The following AKAP8 variants were observed in gnomAD, a reference collection of about 807,000 sequenced individuals.
AKAP8 encodes the protein A-kinase anchoring protein 8, also known as A-kinase anchor protein 8.
In AKAP8, 24 loss-of-function variants were observed where a neutral mutation model predicts 67.5. The ratio of observed to expected loss-of-function variants is 0.36; its 90% CI spans 0.26 to 0.50. AKAP8 has a LOEUF of 0.50. AKAP8 is among the 20% of genes least tolerant of loss of function. The probability of loss-of-function intolerance (pLI) is 0.97; values close to 1 mark genes in which losing one functional copy is unlikely to be tolerated. For synonymous variants in AKAP8, 400 were observed against 371.1 expected (o/e 1.08, Z -0.90); for missense variants, 971 against 955.9 (o/e 1.02, Z -0.21).
chr19:15,375,234 G>C (rs1053064233), intron 2 of AKAP8, among the ~76,000 whole-genome samples: 1 of 152,166 alleles, frequency 6.6e-6, no homozygotes, highest in South Asian at 2.1e-4. Context: ...CGCCAGCAGA[G>C]AGCATGCACT....
chr19:15,356,599 A>G (rs1393093511), intron 13 of AKAP8, among the ~76,000 whole-genome samples: 1 of 152,114 alleles, frequency 6.6e-6, no homozygotes, highest in African/African-American at 2.4e-5. Context: ...CAAGATTCAA[A>G]TCCAAGTCTG....
rs1208025335 is a variant in AKAP8 at position 15,369,527 on chromosome 19, G to A, written c.1072+619C>T. Among the ~76,000 whole-genome samples the A allele has an allele frequency of 6.6e-6, 1 of 152,222 alleles. No individual in the cohort carries two copies. The highest frequency in any genetic ancestry group is 1.5e-5 in the Non-Finnish European group (1 of 68,038). Reference sequence around the variant, plus strand: ...GCACCTCAGGCCGCTCTGCCATGAGGGATTTAAGCCTGCTCTGCTGTTGCT... The same window carrying A: ...GCACCTCAGGCCGCTCTGCCATGAGAGATTTAAGCCTGCTCTGCTGTTGCT... On this transcript the variant is annotated intron_variant, in intron 8 of 13. Coordinates refer to ENST00000269701, the MANE Select transcript of AKAP8 (RefSeq NM_005858.4). The surrounding 1 kb of genome is among the most constrained non-coding windows in gnomAD (Gnocchi z 4.6).
Position 15,361,644 on chromosome 19 carries a change from G to A in AKAP8, c.1396+85C>T, listed in dbSNP as rs540840662. On this transcript the variant is annotated intron_variant, in intron 11 of 13. Transcript: ENST00000269701. Reference sequence around the variant, plus strand: ...TGGGATTACAGGTGTGAGCCACCGTGCCCGGCCTCGTGCCACGTTTTACGG... The same window carrying A: ...TGGGATTACAGGTGTGAGCCACCGTACCCGGCCTCGTGCCACGTTTTACGG... The A allele has an allele frequency of 1.8e-3, 2,227 of 1,248,492 alleles. 8 individuals carry two copies. The highest frequency in any genetic ancestry group is 2.2e-3 in the Non-Finnish European group (1,874 of 851,400). The allele number at this position is 1,248,492 out of a possible 1,614,324, so 77.3% of individuals were successfully genotyped here. A position where few individuals can be genotyped will look rare whatever the true frequency, so the allele number is the denominator to read the frequency against.
intron 1 of AKAP8, among the ~76,000 whole-genome samples, chr19:15,377,522 G>T (rs1224910028): frequency 6.6e-6 from 1 of 152,174 alleles, no homozygotes; most frequent in African/African-American, 2.4e-5. Context: ...AGGTTAGAGC[G>T]CAGTGCCGCG....
intron 9 of AKAP8, among the ~76,000 whole-genome samples, chr19:15,364,296 G>T (rs1022081748): frequency 2.0e-5 from 3 of 150,734 alleles, no homozygotes; most frequent in Non-Finnish European, 4.4e-5. Context: ...CGAGTAGCTG[G>T]GATTACAGGG....
rs757496296 is a variant in AKAP8, at chr19:15,373,946, C to CGGCCGCCA, written c.203_210dup (p.Gly71TrpfsTer35). 6.2e-7 allele frequency: 1 copy of CGGCCGCCA among 1,613,696 alleles called. No homozygotes were observed. Among genetic ancestry groups the CGGCCGCCA allele is most frequent in the South Asian group, 1.1e-5 (1 of 91,062 alleles). On this transcript the variant is annotated frameshift_variant, in exon 4 of 14. Transcript: ENST00000269701. LOFTEE classifies it high-confidence loss of function. ...GAGGCCATGTGCATGGCAGGGGCCC[C>CGGCCGCCA]GGCCGCCAGGCCGCCATCATTGGCC... is the stretch of plus-strand genomic sequence containing the variant.
intron 5 of AKAP8, 47 bp from the exon 6 acceptor site, chr19:15,372,394 A>C (rs1332204881): frequency 1.2e-6 from 2 of 1,601,226 alleles, no homozygotes; most frequent in South Asian, 2.2e-5. Flanking sequence ...AGGGCCATGA[A>C]GATGCCCCAC....
intron 9 of AKAP8, among the ~76,000 whole-genome samples, chr19:15,363,685 T>C (rs1599561026): frequency 6.6e-6 from 1 of 152,064 alleles, no homozygotes; most frequent in African/African-American, 2.4e-5. Flanking sequence ...GAACGGGCCA[T>C]GATGACAATG....
intron 9 of AKAP8, among the ~76,000 whole-genome samples, chr19:15,366,140 A>AG (rs1397113551): frequency 1.0e-5 from 1 of 99,300 alleles, no homozygotes; most frequent in Non-Finnish European, 1.9e-5. Flanking sequence ...TACAAGATGA[A>AG]AAAAAAGCAA....
At chr19:15,372,040 G>A (rs551487902) in intron 6 of AKAP8, 42 bp from the exon 7 acceptor site, 13 of 1,613,052 alleles carry the variant, frequency 8.1e-6, no homozygotes, top group African/African-American at 6.7e-5. Flanking sequence ...CCCGGAGAAC[G>A]GTCCCATCCG....
intron 13 of AKAP8, among the ~76,000 whole-genome samples, chr19:15,357,391 T>G (rs945167474): frequency 2.6e-5 from 3 of 115,132 alleles, no homozygotes; most frequent in Non-Finnish European, 4.8e-5. Context: ...ATCGCACCAC[T>G]GCACTCCAGC....
chr19:15,362,384 C>CCCACGGTCTCCCTCTCCCCCTCTTT (rs61341430), intron 9 of AKAP8, 133 bp from the exon 10 acceptor site: 5 of 488,782 alleles, frequency 1.0e-5, no homozygotes. Context: ...TCTCCCTCTC[C>CCCACGGTCTCCCTCTCCCCCTCTTT]CCACGGTCTC....
chr19:15,367,244 C>A (rs1967085702), intron 9 of AKAP8, among the ~76,000 whole-genome samples: 1 of 152,156 alleles, frequency 6.6e-6, no homozygotes, highest in South Asian at 2.1e-4. Flanking sequence ...ACAATCACTG[C>A]CCAGACTGGG....
intron 2 of AKAP8, among the ~76,000 whole-genome samples, chr19:15,375,577 T>C (rs1006216078): frequency 2.6e-5 from 4 of 151,878 alleles, no homozygotes; most frequent in Non-Finnish European, 5.9e-5. Context: ...TAGTGAATAA[T>C]ATCACATCAA....
intron 8 of AKAP8, 42 bp from the exon 9 acceptor site, chr19:15,368,364 C>G (rs778241070): frequency 4.3e-6 from 7 of 1,611,862 alleles, no homozygotes; most frequent in Non-Finnish European, 5.1e-6. Context: ...GAGTGGCCTG[C>G]AAAGGAGCTG....
intron 13 of AKAP8, among the ~76,000 whole-genome samples, chr19:15,356,116 T>G (rs549841387): frequency 6.6e-6 from 1 of 151,814 alleles, no homozygotes. Context: ...AAAAAGGGCA[T>G]GAGGCCGGGC....
At chr19:15,378,437 G>C (rs960200995) in intron 1 of AKAP8, among the ~76,000 whole-genome samples, 3 of 152,076 alleles carry the variant, frequency 2.0e-5, no homozygotes, top group Non-Finnish European at 4.4e-5. Context: ...GGTAGGAAGA[G>C]GGGGTAAAAA....
chr19:15,373,995 G>C lies in AKAP8; in HGVS notation c.162C>G (p.Gly54=), dbSNP rs1327119393. Residue 54 remains glycine, a synonymous_variant, in exon 4 of 14, where the codon GGC becomes GGG. Coordinates refer to ENST00000269701, the MANE Select transcript of AKAP8 (RefSeq NM_005858.4). ...SVTTGATYSY[G]PASWEAAKAN... ...CCTTGGCGGCCTCCCACGAGGCTGG[G>C]CCGTAGCTGTAGGTTGCGCCTGTGG... 2.5e-6 allele frequency: 4 copies of C among 1,612,176 alleles called. No homozygotes were observed. In the East Asian group the frequency reaches 8.9e-5, roughly 36 times the overall value.
At chr19:15,373,366 G>A (rs1967196342) in intron 4 of AKAP8, 26 bp from the exon 5 acceptor site, 1 of 1,578,712 alleles carries the variant, frequency 6.3e-7, no homozygotes, top group Admixed American at 1.8e-5. Context: ...AGCCCATCAG[G>A]GGCGGTCACC....
Sources: gnomAD v4.1 joint callset for allele counts (sites outside exome capture counted in the v4.1 genomes callset) on GRCh38, gnomAD v4.1.1 for gene constraint, Gnocchi (gnomAD v3.1) non-coding constraint, MANE v1.5 for transcripts, NCBI Gene and HGNC (gene_info 2026-07-23, HGNC 2026-07-21) for gene names.